The following FANCI variants were observed in gnomAD, a reference collection of about 807,000 sequenced individuals.
The protein encoded by FANCI is FA complementation group I.
A neutral mutation model predicts 176.1 loss-of-function variants in FANCI; 156 were observed. That is an observed-to-expected ratio of 0.89 (90% CI 0.78 to 1.01). The LOEUF is 1.01. Among genes scored for constraint, FANCI ranks in the 50% least tolerant of loss-of-function variants. FANCI has a pLI of 0.00. For synonymous variants in FANCI, 613 were observed against 541.7 expected (o/e 1.13, Z -1.83); for missense variants, 1,678 against 1,534.1 (o/e 1.09, Z -1.57).
chr15:89,311,347 AG>A (rs2054951838), intron 34 of FANCI, among the ~76,000 whole-genome samples: 1 of 152,136 alleles, frequency 6.6e-6, no homozygotes, highest in African/African-American at 2.4e-5. Flanking sequence ...TGAACCTGGG[AG>A]GCAGAGGTTG....
At chr15:89,255,768 C>G (rs919727250) in intron 2 of FANCI, among the ~76,000 whole-genome samples, 2 of 152,202 alleles carry the variant, frequency 1.3e-5, no homozygotes, top group Non-Finnish European at 2.9e-5. Flanking sequence ...CTTACTTGCT[C>G]TATTTCTGAG....
In FANCI at chr15:89,281,199, C is replaced by G. The variant is rs1287849752; in HGVS notation, c.1411C>G (p.Pro471Ala). The change falls in exon 15 of 38, where the codon CCC (proline) becomes GCC (alanine). Residue 471 changes from proline to alanine, a missense_variant. Transcript: ENST00000310775. ...GCTTTCAAATATCGTCATGTATGCA[C>G]CCTTAGTTCTTCAAAGTTGTTCTTC... ...DLLSNIVMYA[P>A]LVLQSCSSKV... The G allele has an allele frequency of 1.2e-5, 20 of 1,613,612 alleles. No homozygotes were observed. The highest frequency in any genetic ancestry group is 1.7e-5 in the Non-Finnish European group (20 of 1,179,774).
At chr15:89,316,203 C>T (rs2055246763) in intron 37 of FANCI, 194 bp from the exon 38 acceptor site, 3 of 629,710 alleles carry the variant, frequency 4.8e-6, no homozygotes, top group African/African-American at 3.7e-5. Flanking sequence ...GTGCCACTGT[C>T]TTATTACTCT....
chr15:89,316,458 A>G lies in FANCI; in HGVS notation c.3986A>G (p.Ter1329=). 1 of 1,609,364 alleles carries G rather than the reference A, an allele frequency of 6.2e-7. No homozygotes were observed. The highest frequency in any genetic ancestry group is 1.7e-5 in the Admixed American group (1 of 59,634). ...CCAGCCAAGAAGAAAAGGAAAAAAT[A>G]AATGAAATGCCTGAGTTAATGTGAA... The part of the protein sequence containing the change: ...KEPAKKKRKK[*] Residue 1329 remains the stop codon, a stop_retained_variant, in exon 38 of 38, where the codon TAA becomes TGA. Transcript: ENST00000310775.
intron 16 of FANCI, chr15:89,282,039 G>T (rs2053633912): frequency 1.8e-6 from 1 of 558,192 alleles, no homozygotes; most frequent in Non-Finnish European, 3.2e-6. Context: ...TATGAAGTAA[G>T]AATTATTGCA....
At chr15:89,246,763 C>CTTTT (rs35104299) in intron 1 of FANCI, among the ~76,000 whole-genome samples, 1,176 of 113,872 alleles carry the variant, frequency 0.01, 29 homozygotes, top group African/African-American at 0.029. Flanking sequence ...TTCTTCCTTT[C>CTTTT]TTTTTTTTTT....
At chr15:89,296,829 C>T (rs558151238) in intron 24 of FANCI, among the ~76,000 whole-genome samples, 5,467 of 148,438 alleles carry the variant, frequency 0.037, 311 homozygotes, top group African/African-American at 0.13. Context: ...ACCTCCCTCC[C>T]GGACGGGGCG....
chr15:89,290,493 T>C (rs2054019239), intron 19 of FANCI: 1 of 564,120 alleles, frequency 1.8e-6, no homozygotes, highest in Non-Finnish European at 3.2e-6. Flanking sequence ...GCAGTTATCC[T>C]TGTGAATTAA....
chr15:89,291,020 A>G (rs1041740159), intron 19 of FANCI, among the ~76,000 whole-genome samples: 2 of 152,320 alleles, frequency 1.3e-5, no homozygotes, highest in African/African-American at 4.8e-5. Flanking sequence ...TTTAACAAAA[A>G]TAGAAAATTA....
chr15:89,255,250 C>G (rs1199231795), intron 2 of FANCI, among the ~76,000 whole-genome samples: 1 of 152,076 alleles, frequency 6.6e-6, no homozygotes, highest in Non-Finnish European at 1.5e-5. Flanking sequence ...GTCTTGTATC[C>G]CTGGCATAAG....
At chr15:89,278,014 T>A (rs112762860) in intron 13 of FANCI, among the ~76,000 whole-genome samples, 1 of 152,220 alleles carries the variant, frequency 6.6e-6, no homozygotes, top group Non-Finnish European at 1.5e-5. Flanking sequence ...AACAGTGATA[T>A]TGTTAAAGAC....
In FANCI at chr15:89,261,639, G is replaced by C; in HGVS notation, c.343G>C (p.Ala115Pro). ...TGAATTAGCCAATGAGTTTATTAGT[G>C]CTGTCAGAGAAGGCAGCCTAGTGAA... ...LVELANEFIS[A>P]VREGSLVNGK... is the part of the protein sequence containing the mutation. Residue 115 changes from alanine to proline, a missense_variant, in exon 5 of 38, where the codon GCT (alanine) becomes CCT (proline). Ala to Pro is a conservative substitution (Grantham distance 27). Around this residue, in one of 3 missense-constraint regions of FANCI, gnomAD observed 469 missense variants for 436.9 expected, o/e 1.07. Coordinates refer to ENST00000310775, the MANE Select transcript of FANCI (RefSeq NM_001113378.2). 6.2e-7 allele frequency: 1 copy of C among 1,614,076 alleles called. No individual in the cohort carries two copies. Among genetic ancestry groups the C allele is most frequent in the Non-Finnish European group, 8.5e-7 (1 of 1,179,992 alleles).
chr15:89,251,296 A>G (rs1013136157), intron 2 of FANCI, among the ~76,000 whole-genome samples: 1 of 152,206 alleles, frequency 6.6e-6, no homozygotes, highest in African/African-American at 2.4e-5. Flanking sequence ...GTTTCCATAG[A>G]AGAAAAGAGA....
At chr15:89,275,049 G>A (rs1389230602) in intron 12 of FANCI, among the ~76,000 whole-genome samples, 1 of 150,930 alleles carries the variant, frequency 6.6e-6, no homozygotes, top group African/African-American at 2.4e-5. Context: ...TGGGACTATA[G>A]GCATGTAGCC....
chr15:89,284,314 A>C (rs774939633), intron 17 of FANCI, among the ~76,000 whole-genome samples: 1 of 152,228 alleles, frequency 6.6e-6, no homozygotes, highest in Non-Finnish European at 1.5e-5. Context: ...TAAATGATGT[A>C]CTATAAGATT....
chr15:89,283,351 G>A, intron 17 of FANCI, 101 bp downstream of exon 17: 1 of 1,558,002 alleles, frequency 6.4e-7, no homozygotes, highest in South Asian at 1.1e-5. Flanking sequence ...TTGTAAGAAT[G>A]ATCCTAGAAC....
At chr15:89,278,978 A>C (rs1477782539) in intron 14 of FANCI, among the ~76,000 whole-genome samples, 1 of 152,202 alleles carries the variant, frequency 6.6e-6, no homozygotes, top group African/African-American at 2.4e-5. Context: ...AGCAACAATT[A>C]ACCAATAAGT....
In FANCI at chr15:89,303,854, T is replaced by C; in HGVS notation, c.3007-10T>C. 2 of 1,612,984 alleles carry C rather than the reference T, an allele frequency of 1.2e-6. No individual in the cohort carries two copies. The highest frequency in any genetic ancestry group is 1.7e-6 in the Non-Finnish European group (2 of 1,178,938). ...ATGTTTCTTTAATATCTGAATGATC[T>C]CTAATTTAGTTTGTGCAGATGTTAT... On this transcript the variant is annotated splice_polypyrimidine_tract_variant and intron_variant, in intron 27 of 37. Coordinates refer to ENST00000310775, the MANE Select transcript of FANCI (RefSeq NM_001113378.2).
At chr15:89,277,003 G>C (rs2053433544) in intron 13 of FANCI, 112 bp downstream of exon 13, 8 of 1,041,432 alleles carry the variant, frequency 7.7e-6, no homozygotes, top group Non-Finnish European at 1.2e-5. Context: ...GTATTAGTTT[G>C]ACAGAGGATA....
Sources: gnomAD v4.1 joint callset for allele counts (sites outside exome capture counted in the v4.1 genomes callset) on GRCh38, gnomAD v4.1.1 for gene constraint, gnomAD v4.1.1 regional missense constraint, MANE v1.5 for transcripts, NCBI Gene and HGNC (gene_info 2026-07-23, HGNC 2026-07-21) for gene names.